Variants in GALNTL6 observed in about 807,000 individuals in gnomAD.
The protein encoded by GALNTL6 is polypeptide N-acetylgalactosaminyltransferase like 6.
Under a neutral mutation model 73.7 loss-of-function variants are expected in GALNTL6, and 46 were observed. The ratio of observed to expected loss-of-function variants is 0.62; its 90% CI spans 0.49 to 0.80. The LOEUF is 0.80. GALNTL6 is among the 30% of genes least tolerant of loss of function. GALNTL6 has a pLI of 0.00. For synonymous variants in GALNTL6, 259 were observed against 263.7 expected (o/e 0.98, Z 0.17); for missense variants, 604 against 755.0 (o/e 0.80, Z 2.34).
rs1345337241 is a variant in GALNTL6, at chr4:172,789,999, C to T, written c.554-19362C>T. On this transcript the variant is annotated intron_variant, in intron 5 of 12. Transcript: ENST00000506823. ...AAATAAAAATGAATACGACATGGTC[C>T]CTGACCTCAAGGAGCTCAGATTCTG... 2.0e-5 allele frequency among the ~76,000 whole-genome samples: 3 copies of T among 152,202 alleles called. No individual in the cohort carries two copies. The South Asian group carries it at 6.2e-4, about 32-fold the overall frequency.
intron 2 of GALNTL6, among the ~76,000 whole-genome samples, chr4:172,141,915 C>A (rs1203807204): frequency 6.1e-5 from 9 of 148,388 alleles, no homozygotes; most frequent in East Asian, 2.0e-4. Flanking sequence ...ACACACACCC[C>A]CCACACTCAT....
At chr4:171,832,754 A>G (rs1735012365) in intron 2 of GALNTL6, among the ~76,000 whole-genome samples, 1 of 151,796 alleles carries the variant, frequency 6.6e-6, no homozygotes, top group Non-Finnish European at 1.5e-5. Flanking sequence ...ATTGATTTTT[A>G]TTAATTATGA....
chr4:172,903,109 CCT>C (rs1746712251), intron 8 of GALNTL6, among the ~76,000 whole-genome samples: 1 of 151,964 alleles, frequency 6.6e-6, no homozygotes, highest in Non-Finnish European at 1.5e-5. Flanking sequence ...TTATTTTTTC[CCT>C]GAGTAGCTTT....
At chr4:172,318,002 C>T (rs1740623637) in intron 4 of GALNTL6, among the ~76,000 whole-genome samples, 1 of 151,970 alleles carries the variant, frequency 6.6e-6, no homozygotes, top group Non-Finnish European at 1.5e-5. Flanking sequence ...CTATTCTAGC[C>T]TAGGGCACAT....
intron 5 of GALNTL6, among the ~76,000 whole-genome samples, chr4:172,652,361 T>C (rs1382741014): frequency 1.3e-5 from 2 of 152,208 alleles, no homozygotes; most frequent in African/African-American, 4.8e-5. Context: ...TGGAATATTT[T>C]ACTGAGATTT....
chr4:172,400,465 T>C (rs779433609), intron 5 of GALNTL6, among the ~76,000 whole-genome samples: 5 of 152,142 alleles, frequency 3.3e-5, no homozygotes, highest in Admixed American at 2.6e-4. Flanking sequence ...ATACTTGTGG[T>C]CTCACAGATG....
At chr4:172,801,114 T>C (rs577189293) in intron 5 of GALNTL6, among the ~76,000 whole-genome samples, 1 of 152,314 alleles carries the variant, frequency 6.6e-6, no homozygotes, top group African/African-American at 2.4e-5. Context: ...AAAAATAAAA[T>C]TCAAATATTT....
chr4:172,511,259 CT>C (rs1734442058), intron 5 of GALNTL6, among the ~76,000 whole-genome samples: 1 of 54,536 alleles, frequency 1.8e-5, no homozygotes, highest in African/African-American at 4.5e-5. Flanking sequence ...CTTCAATGAT[CT>C]TTTGTGTTTC....
At chr4:172,008,903 T>C (rs949968629) in intron 2 of GALNTL6, among the ~76,000 whole-genome samples, 1 of 151,548 alleles carries the variant, frequency 6.6e-6, no homozygotes, top group African/African-American at 2.4e-5. Flanking sequence ...GGGAGGGTGG[T>C]AAATTTTAAA....
intron 5 of GALNTL6, among the ~76,000 whole-genome samples, chr4:172,594,377 T>C (rs972760942): frequency 6.6e-6 from 1 of 152,148 alleles, no homozygotes; most frequent in Non-Finnish European, 1.5e-5. Context: ...ACATTTCAAC[T>C]TCTATTAATA....
intron 9 of GALNTL6, among the ~76,000 whole-genome samples, chr4:172,943,095 C>CT (rs201726639): frequency 0.024 from 3,387 of 142,312 alleles, 64 homozygotes; most frequent in East Asian, 0.084. Flanking sequence ...TCCTATTATC[C>CT]TTTTTTTTTT....
intron 5 of GALNTL6, among the ~76,000 whole-genome samples, chr4:172,629,929 G>T (rs1365840034): frequency 2.0e-5 from 3 of 151,938 alleles, no homozygotes; most frequent in African/African-American, 7.3e-5. Context: ...ATTCCCTCAG[G>T]GATTATTATT....
At chr4:172,114,810 G>A (rs1732943208) in intron 2 of GALNTL6, among the ~76,000 whole-genome samples, 1 of 151,952 alleles carries the variant, frequency 6.6e-6, no homozygotes, top group African/African-American at 2.4e-5. Context: ...TGTTACATGA[G>A]ACCTGCCTGC....
chr4:172,990,108 G>A (rs1423772436), intron 10 of GALNTL6, among the ~76,000 whole-genome samples: 1 of 152,174 alleles, frequency 6.6e-6, no homozygotes, highest in Non-Finnish European at 1.5e-5. Context: ...GGCTCTATAA[G>A]TCAACTTTGA....
rs562300659 is a variant in GALNTL6 at position 172,176,337 on chromosome 4, C to CAAAAAAAAAA, written c.139-53309_139-53300dup. 9.6e-3 allele frequency among the ~76,000 whole-genome samples: 302 copies of CAAAAAAAAAA among 31,370 alleles called. 122 individuals carry two copies. The highest frequency in any genetic ancestry group is 0.05 in the Middle Eastern group (1 of 20). 20.6% of individuals were successfully genotyped at this position (31,370 alleles called of 152,430 possible). On this transcript the variant is annotated intron_variant, in intron 2 of 12. Transcript: ENST00000506823. ...CCTGGGCGACAGCGAGACTCCGTCT[C>CAAAAAAAAAA]AAAAAAAAAAAAAAAAAAAGAGTGT... is the stretch of plus-strand genomic sequence containing the variant.
intron 5 of GALNTL6, among the ~76,000 whole-genome samples, chr4:172,551,641 T>C (rs946326857): frequency 2.0e-5 from 3 of 152,176 alleles, no homozygotes; most frequent in Non-Finnish European, 4.4e-5. Flanking sequence ...GGACACTCCA[T>C]AGGATACAGC....
At chr4:172,727,705 T>C (rs1423577157) in intron 5 of GALNTL6, among the ~76,000 whole-genome samples, 2 of 152,156 alleles carry the variant, frequency 1.3e-5, no homozygotes, top group African/African-American at 2.4e-5. Context: ...TGCATGAAGA[T>C]GTTATTAACA....
At chr4:172,095,607 G>A (rs1247339968) in intron 2 of GALNTL6, among the ~76,000 whole-genome samples, 1 of 152,118 alleles carries the variant, frequency 6.6e-6, no homozygotes, top group Non-Finnish European at 1.5e-5. Flanking sequence ...GAATCCAGGT[G>A]GCAAGGGAGG....
At chr4:172,958,673 T>C (rs774112138) in intron 10 of GALNTL6, among the ~76,000 whole-genome samples, 17 of 152,034 alleles carry the variant, frequency 1.1e-4, no homozygotes, top group African/African-American at 3.9e-4. Context: ...TATGTCGAGA[T>C]AGGTAACAGA....
Sources: gnomAD v4.1 joint callset for allele counts (sites outside exome capture counted in the v4.1 genomes callset) on GRCh38, gnomAD v4.1.1 for gene constraint, MANE v1.5 for transcripts, NCBI Gene and HGNC (gene_info 2026-07-23, HGNC 2026-07-21) for gene names.